HUS1: variants seen among roughly 807,000 people sequenced by gnomAD.
The protein encoded by HUS1 is HUS1 checkpoint clamp component, also known as checkpoint protein HUS1.
A neutral mutation model predicts 32.6 loss-of-function variants in HUS1; 31 were observed. That is an observed-to-expected ratio of 0.95 (90% CI 0.72 to 1.28). The LOEUF is 1.28. HUS1 is among the 50% of genes most tolerant of loss of function. The pLI is 0.00. For missense variants in HUS1, 340 were observed against 337.7 expected (o/e 1.01, Z -0.05); for synonymous variants, 123 against 116.6 (o/e 1.06, Z -0.36).
Position 47,967,871 on chromosome 7 carries a change from A to T in HUS1, c.695T>A (p.Ile232Lys), listed in dbSNP as rs1386091463. Residue 232 changes from isoleucine (I) to lysine (K), a missense_variant, in exon 7 of 8, where the codon ATA becomes AAA. By Grantham distance (102) the Ile-to-Lys change is moderately radical. Coordinates refer to ENST00000258774, the MANE Select transcript of HUS1 (RefSeq NM_004507.4). ...RNVEHMAEVH[I>K]DIRKLLQFLA... ...AAACTGTAGGAGCTTCCTAATATCT[A>T]TGTGCACTTCAGCCATGTGTTCCAC... 1 of 1,613,976 alleles carries T rather than the reference A, an allele frequency of 6.2e-7. No homozygotes were observed. The highest frequency in any genetic ancestry group is 8.5e-7 in the Non-Finnish European group (1 of 1,179,904).
chr7:47,979,387 T>G lies in HUS1; in HGVS notation c.52+81A>C. ...CCCCTTCCGGCGCCCATCCCCGTTC[T>G]GATCCTCCTGCGCGGTCCCCACCGC... On this transcript the variant is annotated intron_variant, in intron 1 of 7. Coordinates refer to ENST00000258774, the MANE Select transcript of HUS1 (RefSeq NM_004507.4). The G allele has an allele frequency of 4.1e-6, 6 of 1,447,076 alleles. No individual in the cohort carries two copies. The South Asian group carries it at 5.7e-5, about 14-fold the overall frequency. 89.6% of individuals were successfully genotyped at this position (1,447,076 alleles called of 1,614,324 possible). A position where few individuals can be genotyped will look rare whatever the true frequency, so the allele number is the denominator to read the frequency against.
At chr7:47,968,167 C>G (rs1177807940) in intron 6 of HUS1, among the ~76,000 whole-genome samples, 1 of 152,044 alleles carries the variant, frequency 6.6e-6, no homozygotes, top group Non-Finnish European at 1.5e-5. Context: ...CTCAATCTCC[C>G]TCTTCAGGTC....
chr7:47,974,267 T>C (rs1349439958), intron 5 of HUS1, among the ~76,000 whole-genome samples: 1 of 152,136 alleles, frequency 6.6e-6, no homozygotes, highest in African/African-American at 2.4e-5. Flanking sequence ...ATGATTAAGA[T>C]GGGGTTTCCT....
At chr7:47,973,257 C>A (rs1049856294) in intron 5 of HUS1, among the ~76,000 whole-genome samples, 1 of 152,198 alleles carries the variant, frequency 6.6e-6, no homozygotes, top group Admixed American at 6.5e-5. Flanking sequence ...CGGAGTAATA[C>A]AGGCACACAT....
chr7:47,978,077 G>C (rs1260529050), intron 3 of HUS1, among the ~76,000 whole-genome samples: 1 of 151,420 alleles, frequency 6.6e-6, no homozygotes, highest in South Asian at 2.1e-4. Context: ...TATAGCAGAT[G>C]AGGCAGGGTG....
intron 5 of HUS1, among the ~76,000 whole-genome samples, chr7:47,969,983 C>T (rs926384027): frequency 1.6e-4 from 25 of 152,162 alleles, no homozygotes; most frequent in African/African-American, 5.8e-4. Flanking sequence ...CTTGTAATCC[C>T]AGCACTTTGG....
chr7:47,976,202 G>A (rs1788700607), intron 4 of HUS1: 1 of 367,958 alleles, frequency 2.7e-6, no homozygotes, highest in South Asian at 2.0e-5. Flanking sequence ...TAAAAGTCAA[G>A]TAATTATTTT....
intron 1 of HUS1, 133 bp from the exon 2 acceptor site, chr7:47,978,949 G>GA: frequency 1.1e-6 from 1 of 881,202 alleles, no homozygotes; most frequent in Non-Finnish European, 1.8e-6. Flanking sequence ...TATCACACTG[G>GA]AAAGTACTTT....
At chr7:47,976,696 TG>T in intron 4 of HUS1, 33 bp downstream of exon 4, 1 of 1,102,172 alleles carries the variant, frequency 9.1e-7, no homozygotes, top group Non-Finnish European at 1.4e-6. Flanking sequence ...CCATTTAATG[TG>T]GGGTGTACAG....
At chr7:47,979,358 G>A in intron 1 of HUS1, 110 bp downstream of exon 1, 4 of 628,624 alleles carry the variant, frequency 6.4e-6, no homozygotes, top group East Asian at 1.4e-4. Context: ...CCATCCTCCC[G>A]CGGCCCCTTC....
chr7:47,977,687 T>A (rs1342071914), intron 3 of HUS1, among the ~76,000 whole-genome samples: 4 of 151,888 alleles, frequency 2.6e-5, no homozygotes, highest in African/African-American at 7.3e-5. Context: ...ACGTCAGGAG[T>A]TCGAGACCAG....
Position 47,979,550 on chromosome 7 carries a change from CTG to C in HUS1, c.-33_-32del. ...CGGATGGCGCAGCCGCGGCGGGCCT[CTG>C]TGGGTAACAGAAAAGCGTCGCGCCC... On this transcript the variant is annotated 5_prime_UTR_variant, in exon 1 of 8. Transcript: ENST00000258774. 2 of 1,573,310 alleles carry C rather than the reference CTG, an allele frequency of 1.3e-6. No homozygotes were observed. Among genetic ancestry groups the C allele is most frequent in the Non-Finnish European group, 1.7e-6 (2 of 1,147,192 alleles).
At chr7:47,970,232 CAAAAAA>C (rs777331089) in intron 5 of HUS1, among the ~76,000 whole-genome samples, 5 of 47,836 alleles carry the variant, frequency 1.0e-4, no homozygotes, top group Non-Finnish European at 1.2e-4. Context: ...GACTCTGTCT[CAAAAAA>C]AAAAAAAAAA....
In HUS1 at chr7:47,975,745, T is replaced by C. The variant is rs980951262; in HGVS notation, c.466-58A>G. 5 of 964,138 alleles carry C rather than the reference T, an allele frequency of 5.2e-6. No homozygotes were observed. The African/African-American group carries it at 8.4e-5, about 16-fold the overall frequency. 59.7% of individuals were successfully genotyped at this position (964,138 alleles called of 1,614,324 possible). On this transcript the variant is annotated intron_variant, in intron 4 of 7. Transcript: ENST00000258774. ...TAAAAATATTAATATACTCTAGTAA[T>C]GACAAGGGCCCCATAACTAACTCTA...
intron 5 of HUS1, among the ~76,000 whole-genome samples, chr7:47,972,802 C>T (rs899751671): frequency 6.6e-6 from 1 of 152,178 alleles, no homozygotes; most frequent in Admixed American, 6.5e-5. Flanking sequence ...TATCATGACT[C>T]CTAAACATAG....
intron 4 of HUS1, among the ~76,000 whole-genome samples, chr7:47,976,002 CA>C (rs1788696487): frequency 1.3e-5 from 2 of 152,110 alleles, no homozygotes; most frequent in Admixed American, 6.5e-5. Context: ...TATATTGGTC[CA>C]GGGGGAATAT....
In HUS1 at chr7:47,979,593, G is replaced by A. The variant is rs1212427697; in HGVS notation, c.-74C>T. The stretch of plus-strand genomic sequence containing the variant: ...CGTCGCGCCCTGAGTGTCCCCGCCC[G>A]GAAACACGGCAGCGCGAACAGTGGT... On this transcript the variant is annotated 5_prime_UTR_variant, in exon 1 of 8. Coordinates refer to ENST00000258774, the MANE Select transcript of HUS1 (RefSeq NM_004507.4). 9.1e-6 allele frequency: 11 copies of A among 1,203,372 alleles called. No homozygotes were observed. Among genetic ancestry groups the A allele is most frequent in the Non-Finnish European group, 1.3e-5 (11 of 816,298 alleles). The allele number at this position is 1,203,372 out of a possible 1,614,324, so 74.5% of individuals were successfully genotyped here.
chr7:47,970,279 A>G (rs886913641), intron 5 of HUS1, among the ~76,000 whole-genome samples: 1 of 150,926 alleles, frequency 6.6e-6, no homozygotes, highest in African/African-American at 2.4e-5. Context: ...AATAGACGCT[A>G]TGACACAACA....
At chr7:47,968,215 T>G (rs969431203) in intron 6 of HUS1, among the ~76,000 whole-genome samples, 4 of 152,114 alleles carry the variant, frequency 2.6e-5, no homozygotes, top group Non-Finnish European at 5.9e-5. Context: ...CTATGTATTT[T>G]AAGAGTGAAA....
Sources: gnomAD v4.1 joint callset for allele counts (sites outside exome capture counted in the v4.1 genomes callset) on GRCh38, gnomAD v4.1.1 for gene constraint, MANE v1.5 for transcripts, NCBI Gene and HGNC (gene_info 2026-07-23, HGNC 2026-07-21) for gene names.